The following TANC1 variants were observed in gnomAD, a reference collection of about 807,000 sequenced individuals.
TANC1 encodes protein TANC1.
A neutral mutation model predicts 149.7 loss-of-function variants in TANC1; 77 were observed. The observed-to-expected ratio is 0.51, with a 90% CI of 0.43 to 0.62. TANC1 has a LOEUF of 0.62. TANC1 is among the 20% of genes least tolerant of loss of function. The pLI, the probability that TANC1 is intolerant of heterozygous loss-of-function variation, is 0.00. For missense variants in TANC1, 1,985 were observed against 2,321.8 expected (o/e 0.85, Z 2.98); for synonymous variants, 854 against 925.0 (o/e 0.92, Z 1.39).
intron 7 of TANC1, among the ~76,000 whole-genome samples, chr2:159,158,404 G>A (rs991877963): frequency 6.6e-6 from 1 of 152,092 alleles, no homozygotes; most frequent in Admixed American, 6.6e-5. Context: ...GGATAGAGTG[G>A]GACTTAGGGC....
At position 159,175,098 on chromosome 2, in the gene TANC1, G is replaced by C. The variant is rs766538228; in HGVS notation, c.1649G>C (p.Ser550Thr). The change falls in exon 12 of 27, where the codon AGC becomes ACC. Residue 550 changes from serine (S) to threonine (T), a missense_variant. By Grantham distance (58) the Ser-to-Thr change is moderately conservative (BLOSUM62 1). Transcript: ENST00000263635. Reference sequence around the variant, plus strand: ...CTGATAAAGGAGCCCCAACTACAGAGCATGCTGAGCCTCCGATCCTGTGTG... The same window carrying C: ...CTGATAAAGGAGCCCCAACTACAGACCATGCTGAGCCTCCGATCCTGTGTG... ...DLLIKEPQLQSMLSLRSCVQD... is the reference protein window; with the variant it reads ...DLLIKEPQLQTMLSLRSCVQD... The C allele has an allele frequency of 6.2e-7, 1 of 1,614,186 alleles. No homozygotes were observed. The highest frequency in any genetic ancestry group is 8.5e-7 in the Non-Finnish European group (1 of 1,180,028).
Position 159,001,548 on chromosome 2 carries a change from C to T in TANC1, c.-16+359C>T, listed in dbSNP as rs909850836. Among the ~76,000 whole-genome samples the T allele has an allele frequency of 6.6e-6, 1 of 152,100 alleles. No individual in the cohort carries two copies. Among genetic ancestry groups the T allele is most frequent in the African/African-American group, 2.4e-5 (1 of 41,432 alleles). On this transcript the variant is annotated intron_variant, in intron 2 of 26. Transcript: ENST00000263635. The surrounding 1 kb of genome is among the most constrained non-coding windows in gnomAD (Gnocchi z 4.3). The stretch of plus-strand genomic sequence containing the variant: ...ATTTTATCACAATGAAAAATAAAAA[C>T]GTGGTGGAGGGAGGGAGTAATAATC...
At chr2:158,991,682 C>CT in intron 1 of TANC1, among the ~76,000 whole-genome samples, 1 of 151,936 alleles carries the variant, frequency 6.6e-6, no homozygotes, top group African/African-American at 2.4e-5. Context: ...GGAGGCGGAG[C>CT]TTGCAGTGAG....
intron 3 of TANC1, among the ~76,000 whole-genome samples, chr2:159,082,008 C>G (rs2044320787): frequency 6.6e-6 from 1 of 152,274 alleles, no homozygotes; most frequent in Non-Finnish European, 1.5e-5. Flanking sequence ...TACCATCAGA[C>G]CCTTCCAGAG....
intron 2 of TANC1, among the ~76,000 whole-genome samples, chr2:159,062,653 G>A (rs961918342): frequency 2.1e-4 from 32 of 152,104 alleles, no homozygotes; most frequent in Admixed American, 6.5e-4. Flanking sequence ...GATGAGACTG[G>A]GCAAAGTGAC....
intron 19 of TANC1, among the ~76,000 whole-genome samples, chr2:159,214,624 C>T (rs2059232680): frequency 6.6e-6 from 1 of 152,234 alleles, no homozygotes; most frequent in African/African-American, 2.4e-5. Flanking sequence ...TGTTCTACCA[C>T]AGAGAACTGA....
intron 19 of TANC1, among the ~76,000 whole-genome samples, chr2:159,217,247 T>A (rs1221501396): frequency 2.6e-5 from 4 of 152,160 alleles, no homozygotes; most frequent in Admixed American, 2.6e-4. Context: ...CAGCATGGCA[T>A]CCGAGCTCCA....
At chr2:159,096,223 G>A (rs1035438460) in intron 3 of TANC1, among the ~76,000 whole-genome samples, 12 of 151,644 alleles carry the variant, frequency 7.9e-5, no homozygotes, top group African/African-American at 2.4e-5. Context: ...ACTAACGAGC[G>A]GGGAAGGTGA....
At chr2:159,151,071 T>A (rs1402980339) in intron 7 of TANC1, among the ~76,000 whole-genome samples, 7 of 152,148 alleles carry the variant, frequency 4.6e-5, no homozygotes, top group Non-Finnish European at 8.8e-5. Context: ...ACGTAATAAG[T>A]GTGGTTGTCC....
chr2:159,074,869 C>T (rs929436928), intron 3 of TANC1, among the ~76,000 whole-genome samples: 8 of 152,062 alleles, frequency 5.3e-5, no homozygotes, highest in African/African-American at 1.9e-4. Flanking sequence ...TCCCTGTGTT[C>T]TCACATGGTA....
At chr2:159,121,716 C>T (rs2048867739) in intron 4 of TANC1, among the ~76,000 whole-genome samples, 1 of 152,176 alleles carries the variant, frequency 6.6e-6, no homozygotes, top group Non-Finnish European at 1.5e-5. Flanking sequence ...TTTATATTGT[C>T]TGCCAGAGAA....
chr2:159,226,162 T>G (rs1262595955), intron 24 of TANC1: 2 of 210,146 alleles, frequency 9.5e-6, no homozygotes, highest in South Asian at 7.3e-5. Context: ...AGAGTGAGAC[T>G]CAGTCTCAGA....
At chr2:159,082,113 A>G (rs1254326570) in intron 3 of TANC1, among the ~76,000 whole-genome samples, 1 of 152,246 alleles carries the variant, frequency 6.6e-6, no homozygotes, top group Non-Finnish European at 1.5e-5. Context: ...CAGCAGGGCT[A>G]TACTCAGCCT....
intron 2 of TANC1, among the ~76,000 whole-genome samples, chr2:159,057,166 G>A (rs953016060): frequency 2.6e-5 from 4 of 151,640 alleles, no homozygotes; most frequent in Middle Eastern, 3.2e-3. Context: ...GGGCTCAAAC[G>A]ATCCTCCCAA....
rs1254380493 is a variant in TANC1 at position 159,052,094 on chromosome 2, A to G, written c.-15-13802A>G. ...CCACATTCATTAGGAAGCCTGATCC[A>G]GTTAACTGAAACACGGCAGTTTCCA... On this transcript the variant is annotated intron_variant, in intron 2 of 26. Coordinates refer to ENST00000263635, the MANE Select transcript of TANC1 (RefSeq NM_033394.3). 5.3e-5 allele frequency among the ~76,000 whole-genome samples: 8 copies of G among 152,350 alleles called. No individual in the cohort carries two copies. In the East Asian group the frequency reaches 1.5e-3, roughly 29 times the overall value.
intron 26 of TANC1, 87 bp from the exon 27 acceptor site, chr2:159,229,491 C>A: frequency 8.6e-7 from 1 of 1,165,078 alleles, no homozygotes; most frequent in Non-Finnish European, 1.2e-6. Context: ...CCTTCTCTTT[C>A]CTTTGAGCAC....
In TANC1 at chr2:159,136,199, G is replaced by A. The variant is rs1460073010; in HGVS notation, c.265G>A (p.Val89Ile). 12 of 1,603,094 alleles carry A rather than the reference G, an allele frequency of 7.5e-6. No individual in the cohort carries two copies. Among genetic ancestry groups the A allele is most frequent in the Admixed American group, 1.7e-5 (1 of 59,972 alleles). The change falls in exon 5 of 27, where the codon GTC becomes ATC. Residue 89 changes from valine (V) to isoleucine (I), a missense_variant. Physicochemically the swap from Val to Ile is conservative, Grantham distance 29. This residue lies in a region of TANC1 where 557 missense variants were observed against 612.9 expected (regional missense o/e 0.91). Coordinates refer to ENST00000263635, the MANE Select transcript of TANC1 (RefSeq NM_033394.3). ...SRVNKKSPGP[V>I]RKPKYVESPR... ...TCAGATCTTTCCCACTACAGGTCCC[G>A]TCAGGAAGCCCAAGTATGTGGAAAG...
At chr2:159,183,712 C>A (rs1449966477) in intron 14 of TANC1, among the ~76,000 whole-genome samples, 1 of 151,896 alleles carries the variant, frequency 6.6e-6, no homozygotes, top group Non-Finnish European at 1.5e-5. Flanking sequence ...TTTAATAACA[C>A]AGGAGATTGG....
chr2:158,996,569 C>G (rs1351411806), intron 1 of TANC1, among the ~76,000 whole-genome samples: 2 of 152,180 alleles, frequency 1.3e-5, no homozygotes, highest in African/African-American at 4.8e-5. Context: ...ATTTTTTCAA[C>G]TATTTACTTA....
Sources: allele counts gnomAD v4.1 joint callset (sites outside exome capture counted in the v4.1 genomes callset), GRCh38; gene constraint gnomAD v4.1.1; regional missense constraint gnomAD v4.1.1; non-coding constraint Gnocchi (gnomAD v3.1); transcripts MANE v1.5; gene names NCBI Gene and HGNC (gene_info 2026-07-23, HGNC 2026-07-21).